BNIP3L: variants seen among roughly 807,000 people sequenced by gnomAD.
BNIP3L encodes BCL2/adenovirus E1B 19 kDa protein-interacting protein 3-like.
In BNIP3L, 10 loss-of-function variants were observed where a neutral mutation model predicts 25.5. That is an observed-to-expected ratio of 0.39 (90% CI 0.24 to 0.67). The LOEUF is 0.67. Among genes scored for constraint, BNIP3L ranks in the 30% least tolerant of loss-of-function variants. The pLI is 0.45. For synonymous variants in BNIP3L, 113 were observed against 101.2 expected, an observed-to-expected ratio of 1.12 and a Z score of -0.70; for missense variants, 215 against 270.9, an observed-to-expected ratio of 0.79 and a Z score of 1.45.
At chr8:26,409,523 TA>T (rs1378200086) in intron 5 of BNIP3L, among the ~76,000 whole-genome samples, 1 of 152,180 alleles carries the variant, frequency 6.6e-6, no homozygotes, top group Non-Finnish European at 1.5e-5. Context: ...GCAAGGACAG[TA>T]ATCAACAAAC....
chr8:26,410,517 C>T lies in BNIP3L; in HGVS notation c.*105C>T. Reference sequence around the variant, plus strand: ...ATTGTAAGCATGACCCAACCTACCACCCTGTTTTTACATATCCAATTCCAG... The same window carrying T: ...ATTGTAAGCATGACCCAACCTACCATCCTGTTTTTACATATCCAATTCCAG... On this transcript the variant is annotated 3_prime_UTR_variant, in exon 6 of 6. Transcript: ENST00000380629. The T allele has an allele frequency of 7.6e-7, 1 of 1,324,372 alleles. No homozygotes were observed. Among genetic ancestry groups the T allele is most frequent in the Non-Finnish European group, 1.1e-6 (1 of 925,264 alleles). The allele number at this position is 1,324,372 out of a possible 1,614,324, so 82.0% of individuals were successfully genotyped here.
At chr8:26,389,188 T>C (rs979849018) in intron 1 of BNIP3L, among the ~76,000 whole-genome samples, 18 of 152,136 alleles carry the variant, frequency 1.2e-4, no homozygotes, top group Non-Finnish European at 1.8e-4. Flanking sequence ...ATTGTACACA[T>C]TAGGCTTCTA....
intron 2 of BNIP3L, among the ~76,000 whole-genome samples, chr8:26,391,886 A>G (rs1319049571): frequency 6.6e-6 from 1 of 152,222 alleles, no homozygotes; most frequent in Non-Finnish European, 1.5e-5. Context: ...TGGTGCTGGC[A>G]CGTAGTAGAC....
intron 3 of BNIP3L, among the ~76,000 whole-genome samples, chr8:26,404,731 C>G (rs1056258031): frequency 6.6e-6 from 1 of 152,172 alleles, no homozygotes; most frequent in Admixed American, 6.5e-5. Context: ...TGGTCTCAAA[C>G]TCCTAACCTC....
chr8:26,405,659 T>C (rs1806482518), intron 3 of BNIP3L, among the ~76,000 whole-genome samples: 1 of 152,172 alleles, frequency 6.6e-6, no homozygotes, highest in African/African-American at 2.4e-5. Context: ...GGTCATTCTT[T>C]TGAGTGAATC....
intron 1 of BNIP3L, among the ~76,000 whole-genome samples, chr8:26,387,897 G>A (rs1317314478): frequency 6.6e-6 from 1 of 152,176 alleles, no homozygotes; most frequent in African/African-American, 2.4e-5. Context: ...TTAGATAATG[G>A]TTAAAGTATG....
intron 1 of BNIP3L, among the ~76,000 whole-genome samples, chr8:26,384,911 A>G (rs1229364956): frequency 6.6e-6 from 1 of 151,888 alleles, no homozygotes. Context: ...AGCTGGGATT[A>G]CAGGCGCCCG....
intron 1 of BNIP3L, among the ~76,000 whole-genome samples, chr8:26,387,100 C>G (rs1457515820): frequency 6.6e-6 from 1 of 152,082 alleles, no homozygotes; most frequent in African/African-American, 2.4e-5. Flanking sequence ...TTCTCTCCTC[C>G]CCTTGTCCCA....
At chr8:26,395,090 G>T (rs779140569) in intron 2 of BNIP3L, 140 bp from the exon 3 acceptor site, 21 of 697,284 alleles carry the variant, frequency 3.0e-5, no homozygotes, top group African/African-American at 2.6e-4. Flanking sequence ...AATTTTTCTT[G>T]TATAGGGTTA....
intron 2 of BNIP3L, among the ~76,000 whole-genome samples, chr8:26,394,713 C>CT (rs1563339513): frequency 1.3e-5 from 2 of 152,154 alleles, no homozygotes; most frequent in African/African-American, 4.8e-5. Flanking sequence ...GAAAATTCCA[C>CT]TATACACATG....
intron 1 of BNIP3L, among the ~76,000 whole-genome samples, chr8:26,384,997 T>C (rs980878348): frequency 2.6e-5 from 4 of 151,814 alleles, no homozygotes; most frequent in African/African-American, 9.7e-5. Flanking sequence ...GCCAGGCTGG[T>C]CTCAAACTCC....
In BNIP3L at chr8:26,411,242, A is replaced by G. The variant is rs1350962275; in HGVS notation, c.*830A>G. On this transcript the variant is annotated 3_prime_UTR_variant, in exon 6 of 6. Coordinates refer to ENST00000380629, the MANE Select transcript of BNIP3L (RefSeq NM_004331.3). ...GCGTGTGTGTTTGATATTTTTTACG[A>G]TAATTAGCTGCATGTGAATTTTTCA... The G allele has an allele frequency of 6.6e-6, 1 of 152,536 alleles. No individual in the cohort carries two copies. Among genetic ancestry groups the G allele is most frequent in the East Asian group, 1.9e-4 (1 of 5,196 alleles). The allele number at this position is 152,536 out of a possible 1,614,324, so 9.4% of individuals were successfully genotyped here.
Position 26,408,239 on chromosome 8 carries a change from C to T in BNIP3L, c.474C>T (p.Phe158=). 2 of 1,613,706 alleles carry T rather than the reference C, an allele frequency of 1.2e-6. No individual in the cohort carries two copies. The highest frequency in any genetic ancestry group is 1.3e-5 in the African/African-American group (1 of 75,018). ...ATTTCTTTCTCAGGGAGTTCCACTTCAGACACCCTAAACGTTCTGTGTCTT... is the reference window on the plus strand; with the variant it reads ...ATTTCTTTCTCAGGGAGTTCCACTTTAGACACCCTAAACGTTCTGTGTCTT... ...PENIPPKEFH[F]RHPKRSVSLS... is the part of the protein sequence containing the mutation. Residue 158 remains phenylalanine, a synonymous_variant, in exon 5 of 6, where the codon TTC becomes TTT. Transcript: ENST00000380629.
rs571270115 is a variant in BNIP3L at position 26,412,778 on chromosome 8, A to G, written c.*2366A>G. 1 of 152,652 alleles carries G rather than the reference A, an allele frequency of 6.6e-6. No individual in the cohort carries two copies. The highest frequency in any genetic ancestry group is 1.5e-5 in the Non-Finnish European group (1 of 68,044). 9.5% of individuals were successfully genotyped at this position (152,652 alleles called of 1,614,324 possible). A position where few individuals can be genotyped will look rare whatever the true frequency, so the allele number is the denominator to read the frequency against. ...CTTTACACCTGTTTACAATTTGGGG[A>G]CAAAAAGGCAGGCTTCATTTTTCAT... On this transcript the variant is annotated 3_prime_UTR_variant, in exon 6 of 6. Coordinates refer to ENST00000380629, the MANE Select transcript of BNIP3L (RefSeq NM_004331.3).
intron 2 of BNIP3L, 83 bp from the exon 3 acceptor site, chr8:26,395,145 CTT>C: frequency 7.0e-7 from 1 of 1,435,006 alleles, no homozygotes; most frequent in Non-Finnish European, 9.6e-7. Flanking sequence ...ACTGCTGTAA[CTT>C]TTAATTTTCT....
intron 1 of BNIP3L, 188 bp downstream of exon 1, chr8:26,383,418 T>G: frequency 7.0e-7 from 1 of 1,422,512 alleles, no homozygotes; most frequent in Non-Finnish European, 9.2e-7. Context: ...CGGGCCTCTC[T>G]GTTGCCTCCT....
chr8:26,388,701 T>C (rs541981419), intron 1 of BNIP3L, among the ~76,000 whole-genome samples: 44 of 152,292 alleles, frequency 2.9e-4, no homozygotes, highest in African/African-American at 1.0e-3. Context: ...TTGGGAGCAG[T>C]GGCTCATACC....
intron 1 of BNIP3L, among the ~76,000 whole-genome samples, chr8:26,387,248 A>C (rs1208817901): frequency 6.6e-6 from 1 of 152,222 alleles, no homozygotes; most frequent in Non-Finnish European, 1.5e-5. Context: ...AGAACGGAGA[A>C]GCATTCACAG....
At chr8:26,410,073 A>G (rs1806587840) in intron 5 of BNIP3L, among the ~76,000 whole-genome samples, 1 of 151,886 alleles carries the variant, frequency 6.6e-6, no homozygotes, top group Non-Finnish European at 1.5e-5. Context: ...TGCTTTATTT[A>G]CTCTGTGGAG....
Sources: allele counts gnomAD v4.1 joint callset (sites outside exome capture counted in the v4.1 genomes callset), GRCh38; gene constraint gnomAD v4.1.1; transcripts MANE v1.5; gene names NCBI Gene and HGNC (gene_info 2026-07-23, HGNC 2026-07-21).